The following SLC22A2 variants were observed in gnomAD, a reference collection of about 807,000 sequenced individuals.
SLC22A2 encodes the protein solute carrier family 22 member 2.
Under a neutral mutation model 60.5 loss-of-function variants are expected in SLC22A2, and 46 were observed. The ratio of observed to expected loss-of-function variants is 0.76; its 90% CI spans 0.60 to 0.97. The LOEUF (loss-of-function observed/expected upper bound fraction) is 0.97, where lower values mean the gene tolerates loss of function less well. SLC22A2 is among the 50% of genes least tolerant of loss of function. The pLI is 0.00. For synonymous variants in SLC22A2, 303 were observed against 267.0 expected, an observed-to-expected ratio of 1.13 and a Z score of -1.31; for missense variants, 701 against 706.6, an observed-to-expected ratio of 0.99 and a Z score of 0.09.
chr6:160,256,342 G>A (rs995950521), intron 2 of SLC22A2, among the ~76,000 whole-genome samples: 17 of 152,258 alleles, frequency 1.1e-4, no homozygotes, highest in African/African-American at 4.1e-4. Flanking sequence ...TCTCCCTTCC[G>A]ACTTGAAGCT....
intron 9 of SLC22A2, among the ~76,000 whole-genome samples, chr6:160,237,467 G>T (rs1782928396): frequency 6.6e-6 from 1 of 152,064 alleles, no homozygotes; most frequent in Admixed American, 6.6e-5. Flanking sequence ...CTTTTTGTCA[G>T]AACTCAGAGT....
intron 9 of SLC22A2, among the ~76,000 whole-genome samples, chr6:160,234,884 T>C (rs756088528): frequency 6.6e-6 from 1 of 152,204 alleles, no homozygotes; most frequent in African/African-American, 2.4e-5. Context: ...TCCTTTCTGG[T>C]TTAAAATCTG....
At chr6:160,223,203 G>C (rs1349157889) in intron 10 of SLC22A2, among the ~76,000 whole-genome samples, 1 of 152,206 alleles carries the variant, frequency 6.6e-6, no homozygotes, top group Non-Finnish European at 1.5e-5. Flanking sequence ...TGTGGGGAGA[G>C]TGTCAGATAG....
rs184409545 is a variant in SLC22A2, at chr6:160,230,717, C to T, written c.1502-5913G>A. The stretch of plus-strand genomic sequence containing the variant: ...ACACAAGAACTCCAAATGCCTGAAC[C>T]GCAGCTGCCAGGGGTTCCTCCAGAA... On this transcript the variant is annotated intron_variant, in intron 9 of 10. Coordinates refer to ENST00000366953, the MANE Select transcript of SLC22A2 (RefSeq NM_003058.4). Among the ~76,000 whole-genome samples the T allele has an allele frequency of 2.2e-4, 33 of 152,068 alleles. 2 individuals carry two copies. The highest frequency in any genetic ancestry group is 4.8e-4 in the African/African-American group (20 of 41,338).
chr6:160,228,699 C>A (rs1454791950), intron 9 of SLC22A2, among the ~76,000 whole-genome samples: 1 of 152,118 alleles, frequency 6.6e-6, no homozygotes, highest in African/African-American at 2.4e-5. Context: ...CTGTGGCCTG[C>A]ACGTATATAT....
At chr6:160,245,838 C>T (rs1244808462) in intron 5 of SLC22A2, among the ~76,000 whole-genome samples, 3 of 148,430 alleles carry the variant, frequency 2.0e-5, no homozygotes, top group Admixed American at 1.4e-4. Flanking sequence ...GCTGGGATTA[C>T]AGGCATGCAC....
chr6:160,235,732 T>G (rs1782900358), intron 9 of SLC22A2, among the ~76,000 whole-genome samples: 1 of 151,840 alleles, frequency 6.6e-6, no homozygotes, highest in South Asian at 2.1e-4. Context: ...TAAAGAGTTA[T>G]AAAAGGTTTA....
At chr6:160,241,103 A>G (rs1782993075) in intron 9 of SLC22A2, among the ~76,000 whole-genome samples, 1 of 152,144 alleles carries the variant, frequency 6.6e-6, no homozygotes, top group Non-Finnish European at 1.5e-5. Flanking sequence ...ACTCTTTGAC[A>G]GAGACCTCAG....
chr6:160,240,460 T>A (rs1032378743), intron 9 of SLC22A2, among the ~76,000 whole-genome samples: 4 of 152,144 alleles, frequency 2.6e-5, no homozygotes, highest in African/African-American at 9.7e-5. Flanking sequence ...GAAGCTAAGC[T>A]TAGATTGTAG....
At chr6:160,232,269 C>T (rs1486762110) in intron 9 of SLC22A2, among the ~76,000 whole-genome samples, 1 of 151,862 alleles carries the variant, frequency 6.6e-6, no homozygotes, top group Non-Finnish European at 1.5e-5. Flanking sequence ...TTCCTTCTTT[C>T]CTGTTCCTCA....
rs1562437764 is a variant in SLC22A2 at position 160,249,301 on chromosome 6, C to G, written c.757G>C (p.Ala253Pro). Residue 253 changes from alanine (A) to proline (P), a missense_variant, in exon 4 of 11, where the codon GCT (alanine) becomes CCT (proline). By Grantham distance (27) the Ala-to-Pro change is conservative. Coordinates refer to ENST00000366953, the MANE Select transcript of SLC22A2 (RefSeq NM_003058.4). The part of the protein sequence containing the change: ...VAYTVGLLVL[A>P]GVAYALPHWR... ...TGAGGAAGTGCGTAAGCCACCCCAG[C>G]TAGCACCAGGAGCCCAACTGTATAG... 4.3e-6 allele frequency: 7 copies of G among 1,613,406 alleles called. No homozygotes were observed. The highest frequency in any genetic ancestry group is 3.3e-5 in the Admixed American group (2 of 59,970).
chr6:160,236,654 T>C (rs201517353), intron 9 of SLC22A2, among the ~76,000 whole-genome samples: 2 of 151,840 alleles, frequency 1.3e-5, no homozygotes, highest in Non-Finnish European at 2.9e-5. Flanking sequence ...AAATCAAACT[T>C]AACTGGTAGA....
intron 2 of SLC22A2, among the ~76,000 whole-genome samples, 154 bp from the exon 3 acceptor site, chr6:160,250,856 A>C (rs1425364776): frequency 2.0e-5 from 3 of 152,232 alleles, no homozygotes; most frequent in East Asian, 3.8e-4. Context: ...CACAAAGGGA[A>C]TCTGTGACTC....
At chr6:160,242,541 A>G (rs1454316654) in intron 7 of SLC22A2, 139 bp from the exon 8 acceptor site, 9 of 628,228 alleles carry the variant, frequency 1.4e-5, no homozygotes, top group Non-Finnish European at 2.3e-5. Context: ...CTATAGGCTC[A>G]TGTTAATGTC....
intron 9 of SLC22A2, among the ~76,000 whole-genome samples, chr6:160,240,829 G>A (rs1782986367): frequency 6.6e-6 from 1 of 152,146 alleles, no homozygotes; most frequent in Non-Finnish European, 1.5e-5. Context: ...TGGGTGCATT[G>A]AGGTGTTCCA....
chr6:160,225,138 C>T (rs976692470), intron 9 of SLC22A2, among the ~76,000 whole-genome samples: 1 of 152,056 alleles, frequency 6.6e-6, no homozygotes, highest in Non-Finnish European at 1.5e-5. Context: ...GGACTGTAAC[C>T]CTTCCAGTTT....
At chr6:160,247,151 T>A in intron 5 of SLC22A2, 33 bp downstream of exon 5, 2 of 1,201,784 alleles carry the variant, frequency 1.7e-6, no homozygotes, top group Non-Finnish European at 2.5e-6. Context: ...CTTTTCTCCA[T>A]CCCCTGATTT....
At chr6:160,256,888 TTC>T (rs58095836) in intron 1 of SLC22A2, among the ~76,000 whole-genome samples, 171 bp from the exon 2 acceptor site, 87,839 of 134,090 alleles carry the variant, frequency 0.66, 27,114 homozygotes, top group Admixed American at 0.74. Flanking sequence ...TTTCTTCTTC[TTC>T]TCTCTCTCTC....
intron 9 of SLC22A2, among the ~76,000 whole-genome samples, chr6:160,231,441 T>C (rs77373737): frequency 0.098 from 14,937 of 151,736 alleles, 875 homozygotes; most frequent in Non-Finnish European, 0.12. Context: ...TGCCCATTAC[T>C]ATCCCATTAA....
Sources: gnomAD v4.1 joint callset for allele counts (sites outside exome capture counted in the v4.1 genomes callset) on GRCh38, gnomAD v4.1.1 for gene constraint, MANE v1.5 for transcripts, NCBI Gene and HGNC (gene_info 2026-07-23, HGNC 2026-07-21) for gene names.